Variants in ASXL3 observed in about 807,000 individuals in gnomAD.
The protein encoded by ASXL3 is putative Polycomb group protein ASXL3.
ASXL3 carries 34 observed loss-of-function variants against 170.6 expected under a neutral mutation model. The observed-to-expected ratio is 0.20, with a 90% CI of 0.15 to 0.27. The LOEUF is 0.27. Among genes scored for constraint, ASXL3 ranks in the 10% least tolerant of loss-of-function variants. The pLI is 1.00. For synonymous variants in ASXL3, 1,002 were observed against 989.1 expected, an observed-to-expected ratio of 1.01 and a Z score of -0.24; for missense variants, 2,592 against 2,695.3, an observed-to-expected ratio of 0.96 and a Z score of 0.85.
chr18:33,607,460 C>T, intron 1 of ASXL3, 134 bp from the exon 2 acceptor site: 1 of 717,678 alleles, frequency 1.4e-6, no homozygotes, highest in Non-Finnish European at 2.3e-6. Flanking sequence ...GACACCTGAT[C>T]TGTATGATGG....
At position 33,578,591 on chromosome 18, in the gene ASXL3, A is replaced by C; in HGVS notation, c.-41A>C. The C allele has an allele frequency of 4.9e-6, 6 of 1,219,914 alleles. No individual in the cohort carries two copies. Among genetic ancestry groups the C allele is most frequent in the Non-Finnish European group, 6.4e-6 (6 of 943,066 alleles). 75.6% of individuals were successfully genotyped at this position (1,219,914 alleles called of 1,614,324 possible). A position where few individuals can be genotyped will look rare whatever the true frequency, so the allele number is the denominator to read the frequency against. Reference sequence around the variant, plus strand: ...GCCCGAACCCCGAGCACCCCGTGGAATCCCCCACGTCATCATCAGAACCAT... The same window carrying C: ...GCCCGAACCCCGAGCACCCCGTGGACTCCCCCACGTCATCATCAGAACCAT... On this transcript the variant is annotated 5_prime_UTR_variant, in exon 1 of 12. Transcript: ENST00000269197.
At chr18:33,639,045 T>C (rs1240815854) in intron 2 of ASXL3, among the ~76,000 whole-genome samples, 1 of 152,220 alleles carries the variant, frequency 6.6e-6, no homozygotes, top group Non-Finnish European at 1.5e-5. Context: ...GAGCCAATTC[T>C]TTAAACAAGC....
intron 2 of ASXL3, among the ~76,000 whole-genome samples, chr18:33,618,700 A>G (rs2065466085): frequency 6.6e-6 from 1 of 152,058 alleles, no homozygotes; most frequent in Non-Finnish European, 1.5e-5. Context: ...AGTATTTCAG[A>G]CCATTTTCTG....
chr18:33,636,146 T>A (rs142964374), intron 2 of ASXL3, among the ~76,000 whole-genome samples: 1 of 152,158 alleles, frequency 6.6e-6, no homozygotes, highest in Non-Finnish European at 1.5e-5. Flanking sequence ...TGGGAAACCA[T>A]AGAAGCTTGG....
At chr18:33,589,953 G>C (rs1243583271) in intron 1 of ASXL3, among the ~76,000 whole-genome samples, 1 of 152,022 alleles carries the variant, frequency 6.6e-6, no homozygotes, top group Non-Finnish European at 1.5e-5. Context: ...GAGATTTAGA[G>C]TGTGTATTAG....
At chr18:33,712,866 G>A (rs1289190471) in intron 8 of ASXL3, among the ~76,000 whole-genome samples, 1 of 152,166 alleles carries the variant, frequency 6.6e-6, no homozygotes, top group Non-Finnish European at 1.5e-5. Context: ...CAAGTAGCCA[G>A]TGCATCCGTG....
chr18:33,671,216 T>C (rs1220363413), intron 6 of ASXL3, among the ~76,000 whole-genome samples: 1 of 152,206 alleles, frequency 6.6e-6, no homozygotes, highest in Non-Finnish European at 1.5e-5. Context: ...AGTTTTTGTG[T>C]TCTGGCAGCA....
At chr18:33,623,213 C>T (rs746361620) in intron 2 of ASXL3, among the ~76,000 whole-genome samples, 2 of 152,084 alleles carry the variant, frequency 1.3e-5, no homozygotes, top group South Asian at 2.1e-4. Flanking sequence ...TTCATTTTAA[C>T]GTAATATGTG....
At chr18:33,585,296 T>C (rs1227579441) in intron 1 of ASXL3, among the ~76,000 whole-genome samples, 1 of 152,164 alleles carries the variant, frequency 6.6e-6, no homozygotes, top group Non-Finnish European at 1.5e-5. Flanking sequence ...TTGATTGTTC[T>C]GCTTTTGTCC....
chr18:33,682,197 C>T (rs1160020964), intron 7 of ASXL3, among the ~76,000 whole-genome samples: 3 of 152,106 alleles, frequency 2.0e-5, no homozygotes, highest in Non-Finnish European at 4.4e-5. Context: ...CAGACATACA[C>T]GACATATAAA....
At chr18:33,653,742 C>A (rs530998498) in intron 4 of ASXL3, among the ~76,000 whole-genome samples, 3 of 151,930 alleles carry the variant, frequency 2.0e-5, no homozygotes. Context: ...GTATATGATC[C>A]GGGGGATAGA....
rs769185333 is a variant in ASXL3 at position 33,578,630 on chromosome 18, A to G, written c.-2A>G. The G allele has an allele frequency of 2.2e-6, 3 of 1,348,638 alleles. No homozygotes were observed. The South Asian group carries it at 4.6e-5, about 21-fold the overall frequency. 83.5% of individuals were successfully genotyped at this position (1,348,638 alleles called of 1,614,324 possible). On this transcript the variant is annotated 5_prime_UTR_variant, in exon 1 of 12. Transcript: ENST00000269197. ...CATCAGAACCATCAATGAGATGCAAACATGAAAGACAAGAGGAAGAAGAAG... is the reference window on the plus strand; with the variant it reads ...CATCAGAACCATCAATGAGATGCAAGCATGAAAGACAAGAGGAAGAAGAAG...
intron 4 of ASXL3, among the ~76,000 whole-genome samples, chr18:33,653,113 T>C (rs973394619): frequency 6.6e-6 from 1 of 152,084 alleles, no homozygotes; most frequent in Non-Finnish European, 1.5e-5. Flanking sequence ...GTTGGTATTC[T>C]GGTCTTGTTT....
rs567969303 is a variant in ASXL3, at chr18:33,590,111, G to GTTTTTTTTTTTTTTTT, written c.54+11430_54+11445dup. On this transcript the variant is annotated intron_variant, in intron 1 of 11. Coordinates refer to ENST00000269197, the MANE Select transcript of ASXL3 (RefSeq NM_030632.3). ...TGTCGTCAAGGTATTTGCTTTCTAT[G>GTTTTTTTTTTTTTTTT]TTTTTTTTTTTTTTTTTTTGCTTTG... Among the ~76,000 whole-genome samples the GTTTTTTTTTTTTTTTT allele has an allele frequency of 4.1e-3, 340 of 82,994 alleles. 20 individuals carry two copies. Among genetic ancestry groups the GTTTTTTTTTTTTTTTT allele is most frequent in the African/African-American group, 0.021 (297 of 14,414 alleles). The allele number at this position is 82,994 out of a possible 152,430, so 54.4% of individuals were successfully genotyped here.
intron 9 of ASXL3, among the ~76,000 whole-genome samples, chr18:33,734,068 T>TTAGCTTTAGCATTCTTCTAAAGCATA (rs2067502328): frequency 7.1e-6 from 1 of 140,662 alleles, no homozygotes; most frequent in Non-Finnish European, 1.6e-5. Flanking sequence ...TCTAAAGCAT[T>TTAGCTTTAGCATTCTTCTAAAGCATA]TAGCTTTAGC....
chr18:33,662,920 T>C (rs2066198308), intron 5 of ASXL3, among the ~76,000 whole-genome samples: 1 of 152,170 alleles, frequency 6.6e-6, no homozygotes, highest in African/African-American at 2.4e-5. Context: ...CTCCTGTACC[T>C]CAGACAAGAA....
At chr18:33,645,636 A>G (rs1179268372) in intron 3 of ASXL3, among the ~76,000 whole-genome samples, 3 of 152,028 alleles carry the variant, frequency 2.0e-5, no homozygotes, top group Non-Finnish European at 4.4e-5. Flanking sequence ...CTTATAATCT[A>G]CAAATGGTTG....
chr18:33,595,128 G>A (rs1275446978), intron 1 of ASXL3, among the ~76,000 whole-genome samples: 1 of 152,056 alleles, frequency 6.6e-6, no homozygotes, highest in South Asian at 2.1e-4. Flanking sequence ...TGAAGCCTTG[G>A]AATCAGGAAT....
intron 8 of ASXL3, among the ~76,000 whole-genome samples, chr18:33,721,890 T>C (rs1047759657): frequency 6.6e-6 from 1 of 152,122 alleles, no homozygotes; most frequent in African/African-American, 2.4e-5. Context: ...TCATTGTGTG[T>C]GTCTGTGTCA....
Sources: allele counts gnomAD v4.1 joint callset (sites outside exome capture counted in the v4.1 genomes callset), GRCh38; gene constraint gnomAD v4.1.1; transcripts MANE v1.5; gene names NCBI Gene and HGNC (gene_info 2026-07-23, HGNC 2026-07-21).